The following CHD9 variants were observed in gnomAD, a reference collection of about 807,000 sequenced individuals.
CHD9 encodes the protein chromodomain helicase DNA binding protein 9, also known as ATP-dependent chromatin remodeler CHD9.
A neutral mutation model predicts 316.1 loss-of-function variants in CHD9; 77 were observed. The observed-to-expected ratio is 0.24, with a 90% CI of 0.20 to 0.29. CHD9 has a LOEUF of 0.29. Ranked by LOEUF, CHD9 falls within the 10% of genes least tolerant of loss-of-function variation. CHD9 has a pLI of 1.00. For missense variants in CHD9, 2,763 were observed against 3,438.1 expected, an observed-to-expected ratio of 0.80 and a Z score of 4.91; for synonymous variants, 1,129 against 1,158.3, an observed-to-expected ratio of 0.97 and a Z score of 0.51.
At chr16:53,205,816 C>G (rs759263640) in intron 2 of CHD9, among the ~76,000 whole-genome samples, 5 of 152,144 alleles carry the variant, frequency 3.3e-5, no homozygotes, top group Non-Finnish European at 5.9e-5. Context: ...TACATTCCAG[C>G]CCTGACTTCT....
intron 29 of CHD9, among the ~76,000 whole-genome samples, chr16:53,296,736 C>A (rs992416251): frequency 3.3e-5 from 5 of 152,028 alleles, no homozygotes; most frequent in Non-Finnish European, 7.4e-5. Context: ...TGAGCCACCG[C>A]GCCCGACCCA....
At chr16:53,276,907 G>A (rs988609701) in intron 24 of CHD9, among the ~76,000 whole-genome samples, 3 of 152,004 alleles carry the variant, frequency 2.0e-5, no homozygotes, top group African/African-American at 7.2e-5. Flanking sequence ...AGCTCAAGTA[G>A]AAATAAAACA....
rs2034051401 is a variant in CHD9, at chr16:53,071,563, AG to A, written c.-165+16488del. On this transcript the variant is annotated intron_variant, in intron 1 of 38. Coordinates refer to ENST00000447540, the MANE Select transcript of CHD9 (RefSeq NM_001308319.2). ...GCCAGCAAAGACTTGTCATCACTAT[AG>A]GCATAATCAATACATCTTCCCAGAA... is the stretch of plus-strand genomic sequence containing the variant. Among the ~76,000 whole-genome samples, 3 of 152,300 alleles carry A rather than the reference AG, an allele frequency of 2.0e-5. No homozygotes were observed. The South Asian group carries it at 6.2e-4, about 32-fold the overall frequency.
At chr16:53,125,194 T>C (rs1406324706) in intron 1 of CHD9, among the ~76,000 whole-genome samples, 1 of 151,780 alleles carries the variant, frequency 6.6e-6, no homozygotes, top group East Asian at 1.9e-4. Flanking sequence ...AGACTGTCCT[T>C]ACCTTATCAT....
chr16:53,144,846 G>A (rs1021900096), intron 1 of CHD9, among the ~76,000 whole-genome samples: 1 of 151,866 alleles, frequency 6.6e-6, no homozygotes. Flanking sequence ...TTAAAAATCA[G>A]CCAGGCATGG....
chr16:53,129,329 T>C (rs1030960368), intron 1 of CHD9, among the ~76,000 whole-genome samples: 19 of 152,336 alleles, frequency 1.2e-4, no homozygotes, highest in South Asian at 4.1e-4. Flanking sequence ...TAAAGCACTA[T>C]CCAAATAAGT....
At chr16:53,066,458 A>T (rs1388328674) in intron 1 of CHD9, among the ~76,000 whole-genome samples, 4 of 152,208 alleles carry the variant, frequency 2.6e-5, no homozygotes, top group Admixed American at 6.5e-5. Context: ...TTCTACCCAT[A>T]TAGAGAAATG....
At chr16:53,058,987 G>C (rs1417378490) in intron 1 of CHD9, among the ~76,000 whole-genome samples, 1 of 152,084 alleles carries the variant, frequency 6.6e-6, no homozygotes. Context: ...CAAGTAGCTG[G>C]GGCTACAGGT....
chr16:53,211,817 C>T (rs994361108), intron 3 of CHD9, among the ~76,000 whole-genome samples: 1 of 152,000 alleles, frequency 6.6e-6, no homozygotes, highest in Admixed American at 6.6e-5. Flanking sequence ...ATATACAATC[C>T]AGAATTCCAG....
intron 1 of CHD9, among the ~76,000 whole-genome samples, chr16:53,090,333 G>A (rs898005693): frequency 6.6e-6 from 1 of 152,176 alleles, no homozygotes; most frequent in African/African-American, 2.4e-5. Flanking sequence ...ATTCCAGAGA[G>A]TCTTCCCAAG....
intron 2 of CHD9, among the ~76,000 whole-genome samples, chr16:53,202,123 A>G (rs1299098099): frequency 1.3e-5 from 2 of 152,010 alleles, no homozygotes; most frequent in Non-Finnish European, 2.9e-5. Context: ...TGGCCTCCCA[A>G]AGTTCTGGGA....
At chr16:53,099,235 G>A (rs1408384074) in intron 1 of CHD9, 1 of 152,282 alleles carries the variant, frequency 6.6e-6, no homozygotes, top group Non-Finnish European at 1.5e-5. Flanking sequence ...CTTGAAAGGA[G>A]GCCCCTGCCG....
At chr16:53,227,244 T>G in intron 5 of CHD9, 152 bp from the exon 6 acceptor site, 1 of 545,168 alleles carries the variant, frequency 1.8e-6, no homozygotes, top group Non-Finnish European at 3.3e-6. Context: ...TATATTTTTT[T>G]CATTTTTGTA....
At chr16:53,239,012 A>G (rs1187236217) in intron 12 of CHD9, among the ~76,000 whole-genome samples, 1 of 152,108 alleles carries the variant, frequency 6.6e-6, no homozygotes, top group Non-Finnish European at 1.5e-5. Context: ...AGGTGAGACC[A>G]TAGGTTCTCT....
At chr16:53,088,785 G>A (rs567844459) in intron 1 of CHD9, among the ~76,000 whole-genome samples, 2 of 152,100 alleles carry the variant, frequency 1.3e-5, no homozygotes, top group East Asian at 3.9e-4. Context: ...TTAGAGACCA[G>A]CCTGGGCAAC....
intron 16 of CHD9, 134 bp from the exon 17 acceptor site, chr16:53,249,737 C>T (rs1411655709): frequency 1.4e-6 from 1 of 701,738 alleles, no homozygotes. Context: ...GTCACAGAAA[C>T]TACTTGAGAT....
intron 29 of CHD9, among the ~76,000 whole-genome samples, chr16:53,293,940 C>T (rs535070991): frequency 7.3e-5 from 11 of 150,400 alleles, no homozygotes; most frequent in Non-Finnish European, 1.5e-4. Context: ...AGAGTGAGAC[C>T]GTCTCAAAAG....
chr16:53,308,980 A>T lies in CHD9; in HGVS notation c.7222+126A>T, dbSNP rs1026132370. On this transcript the variant is annotated intron_variant, in intron 34 of 38. Transcript: ENST00000447540. The stretch of plus-strand genomic sequence containing the variant: ...TGGAACCTCTTAAGCCTATAAAGTA[A>T]TCAATAGAATTTTAAATCTTAACAA... 7.6e-6 allele frequency: 5 copies of T among 654,422 alleles called. No homozygotes were observed. In the African/African-American group the frequency reaches 9.4e-5, roughly 12 times the overall value. 40.5% of individuals were successfully genotyped at this position (654,422 alleles called of 1,614,324 possible). A position where few individuals can be genotyped will look rare whatever the true frequency, so the allele number is the denominator to read the frequency against.
chr16:53,090,809 A>G (rs986144012), intron 1 of CHD9, among the ~76,000 whole-genome samples: 39 of 152,272 alleles, frequency 2.6e-4, no homozygotes, highest in Non-Finnish European at 3.1e-4. Flanking sequence ...TCCTTTTCAC[A>G]GTGGTGAGTG....
Sources: allele counts gnomAD v4.1 joint callset (sites outside exome capture counted in the v4.1 genomes callset), GRCh38; gene constraint gnomAD v4.1.1; transcripts MANE v1.5; gene names NCBI Gene and HGNC (gene_info 2026-07-23, HGNC 2026-07-21).